MASP2: variants seen among roughly 807,000 people sequenced by gnomAD.
MASP2 encodes the protein MBL associated serine protease 2.
MASP2 carries 49 observed loss-of-function variants against 57.1 expected under a neutral mutation model. The ratio of observed to expected loss-of-function variants is 0.86; its 90% CI spans 0.68 to 1.09. The LOEUF is 1.09. MASP2 is among the 50% of genes least tolerant of loss of function. MASP2 has a pLI of 0.00. For missense variants in MASP2, 900 were observed against 874.8 expected (o/e 1.03, Z -0.36); for synonymous variants, 379 against 340.8 (o/e 1.11, Z -1.24).
In MASP2 at chr1:11,045,360, C is replaced by T. The variant is rs751050224; in HGVS notation, c.544+48G>A. The T allele has an allele frequency of 9.3e-6, 15 of 1,610,396 alleles. No homozygotes were observed. The East Asian group carries it at 2.7e-4, about 29-fold the overall frequency. ...GAGCAGCAATGGCCCTGAGGAGCCCCGGGTATCCCAGGAGAGGGTGCGTTG... is the reference window on the plus strand; with the variant it reads ...GAGCAGCAATGGCCCTGAGGAGCCCTGGGTATCCCAGGAGAGGGTGCGTTG... On this transcript the variant is annotated intron_variant, in intron 4 of 10. Coordinates refer to ENST00000400897, the MANE Select transcript of MASP2 (RefSeq NM_006610.4).
intron 10 of MASP2, among the ~76,000 whole-genome samples, chr1:11,028,731 T>A (rs1242968716): frequency 7.3e-6 from 1 of 137,824 alleles, no homozygotes; most frequent in Non-Finnish European, 1.6e-5. Context: ...TTTTTTTTTT[T>A]GAGACAGAGT....
intron 6 of MASP2, among the ~76,000 whole-genome samples, chr1:11,039,865 A>AAGAT (rs766758313): frequency 8.0e-6 from 1 of 125,006 alleles, no homozygotes; most frequent in African/African-American, 3.2e-5. Context: ...GGTGGATAGA[A>AAGAT]GGATGGATGG....
At chr1:11,030,423 G>T (rs1643824684) in intron 9 of MASP2, 173 bp from the exon 10 acceptor site, 2 of 596,736 alleles carry the variant, frequency 3.4e-6, no homozygotes, top group Non-Finnish European at 2.9e-6. Context: ...TACCATGTTT[G>T]CTTGCAAAGT....
chr1:11,044,457 G>A (rs1252460006), intron 4 of MASP2, among the ~76,000 whole-genome samples: 1 of 152,128 alleles, frequency 6.6e-6, no homozygotes, highest in Non-Finnish European at 1.5e-5. Context: ...TGGGGCAGTG[G>A]GAATCACCCC....
intron 4 of MASP2, chr1:11,045,064 C>G: frequency 9.6e-7 from 1 of 1,037,724 alleles, no homozygotes. Flanking sequence ...GAGCACTGGC[C>G]CGTCCCACAG....
In MASP2 at chr1:11,043,499, C is replaced by T. The variant is rs755997737; in HGVS notation, c.581G>A (p.Gly194Glu). Residue 194 changes from glycine (G) to glutamate (E), a missense_variant, in exon 5 of 11, where the codon GGG (glycine) becomes GAG (glutamate). Physicochemically the swap from Gly to Glu is moderately conservative, Grantham distance 98. Transcript: ENST00000400897. ...TGGGTATTCAGGGCTGCTGAGCTCC[C>T]CAGACCTCTGGGTGAAGACCTGGCC... is the stretch of plus-strand genomic sequence containing the variant. Reference protein sequence around the residue: ...CSGQVFTQRSGELSSPEYPRP... With the variant: ...CSGQVFTQRSEELSSPEYPRP... 7 of 1,607,268 alleles carry T rather than the reference C, an allele frequency of 4.4e-6. No individual in the cohort carries two copies. In the South Asian group the frequency reaches 7.8e-5, roughly 18 times the overall value.
Position 11,045,459 on chromosome 1 carries a change from A to C in MASP2, c.493T>G (p.Cys165Gly), listed in dbSNP as rs781405504. The change falls in exon 4 of 11, where the codon TGC becomes GGC. Residue 165 changes from cysteine to glycine, a missense_variant. Physicochemically the swap from Cys to Gly is radical, Grantham distance 159 (BLOSUM62 -3). Transcript: ENST00000400897. Reference protein sequence around the residue: ...HCHNHLGGFYCSCRAGYVLHR... With the variant: ...HCHNHLGGFYGSCRAGYVLHR... The stretch of plus-strand genomic sequence containing the variant: ...AGGACGTAGCCTGCGCGGCAGGAGC[A>C]GTAGAAACCGCCCAGGTGGTTGTGG... 1.9e-6 allele frequency: 3 copies of C among 1,613,030 alleles called. No individual in the cohort carries two copies. The African/African-American group carries it at 4.0e-5, about 22-fold the overall frequency.
In MASP2 at chr1:11,027,106, C is replaced by T; in HGVS notation, c.1840G>A (p.Ala614Thr). The stretch of plus-strand genomic sequence containing the variant: ...TCTAAGCCAGCACAAAGCATGTTAG[C>T]AGTTACACTTCCCCTTGGATAGGGT... ...KPPYPRGSVTANMLCAGLESG... is the reference protein window; with the variant it reads ...KPPYPRGSVTTNMLCAGLESG... The change falls in exon 11 of 11, where the codon GCT becomes ACT. Residue 614 changes from alanine to threonine, a missense_variant. Physicochemically the swap from Ala to Thr is moderately conservative, Grantham distance 58. Transcript: ENST00000400897. The T allele has an allele frequency of 6.2e-7, 1 of 1,608,644 alleles. No homozygotes were observed. Among genetic ancestry groups the T allele is most frequent in the Admixed American group, 1.7e-5 (1 of 59,610 alleles).
At position 11,041,374 on chromosome 1, in the gene MASP2, AGATG is replaced by A. The variant is rs144619009; in HGVS notation, c.889+1497_889+1500del. On this transcript the variant is annotated intron_variant, in intron 6 of 10. Transcript: ENST00000400897. Reference sequence around the variant, plus strand: ...TAGATAGGTGTCTGGAAGAATTGGCAGATGGATGGATGGATGGATGGATGGATGA... The same window carrying A: ...TAGATAGGTGTCTGGAAGAATTGGCAGATGGATGGATGGATGGATGGATGA... Among the ~76,000 whole-genome samples the A allele has an allele frequency of 1.0e-2, 1,073 of 107,508 alleles. 30 individuals are homozygous for A. Among genetic ancestry groups the A allele is most frequent in the African/African-American group, 0.033 (986 of 29,966 alleles). The allele number at this position is 107,508 out of a possible 152,430, so 70.5% of individuals were successfully genotyped here.
At chr1:11,038,723 C>T (rs1458094478) in intron 6 of MASP2, among the ~76,000 whole-genome samples, 2 of 152,248 alleles carry the variant, frequency 1.3e-5, no homozygotes, top group African/African-American at 4.8e-5. Context: ...AGGAATCAAT[C>T]TCCAGGGACA....
Position 11,027,496 on chromosome 1 carries a change from C to A in MASP2, c.1450G>T (p.Ala484Ser), listed in dbSNP as rs1422526937. Residue 484 changes from alanine to serine, a missense_variant, in exon 11 of 11, where the codon GCC (alanine) becomes TCC (serine). Ala to Ser is a moderately conservative substitution (Grantham distance 99). Coordinates refer to ENST00000400897, the MANE Select transcript of MASP2 (RefSeq NM_006610.4). ...YDNWVLTAAH[A>S]VYEQKHDASA... Reference sequence around the variant, plus strand: ...GCATCATGTTTTTGCTCATAGACGGCATGAGCAGCTGTTAGGACCCAGTTG... The same window carrying A: ...GCATCATGTTTTTGCTCATAGACGGAATGAGCAGCTGTTAGGACCCAGTTG... The A allele has an allele frequency of 6.2e-7, 1 of 1,614,036 alleles. No homozygotes were observed. The highest frequency in any genetic ancestry group is 8.5e-7 in the Non-Finnish European group (1 of 1,180,038).
In MASP2 at chr1:11,046,350, C is replaced by A. The variant is rs1261273303; in HGVS notation, c.412+206G>T. 3 of 624,562 alleles carry A rather than the reference C, an allele frequency of 4.8e-6. No individual in the cohort carries two copies. The Admixed American group carries it at 7.6e-5, about 16-fold the overall frequency. 38.7% of individuals were successfully genotyped at this position (624,562 alleles called of 1,614,324 possible). ...ACTTGAGGCGATGCTGTCCTCAGAT[C>A]CCTGGCTCAGAGTTGGCACTCAGCC... On this transcript the variant is annotated intron_variant, in intron 3 of 10. Transcript: ENST00000400897.
intron 8 of MASP2, among the ~76,000 whole-genome samples, chr1:11,033,953 ACACACACACACACTCTCTCT>A (rs1352596436): frequency 6.5e-5 from 4 of 61,530 alleles, no homozygotes; most frequent in African/African-American, 1.8e-4. Flanking sequence ...ACACACACAC[ACACACACACACACTCTCTCT>A]CTCTCTCTCT....
chr1:11,040,855 T>G (rs1192212746), intron 6 of MASP2, among the ~76,000 whole-genome samples: 2 of 148,102 alleles, frequency 1.4e-5, no homozygotes, highest in East Asian at 4.0e-4. Context: ...GGAGAATGGG[T>G]GGGTGGATGG....
chr1:11,046,003 C>A (rs1026299538), intron 3 of MASP2: 1 of 195,062 alleles, frequency 5.1e-6, no homozygotes, highest in Non-Finnish European at 1.1e-5. Context: ...GCCCTCGGCC[C>A]CTGCGTCGTT....
chr1:11,027,039 GC>G lies in MASP2; in HGVS notation c.1906del (p.Ala636HisfsTer5). 6.3e-7 allele frequency: 1 copy of G among 1,595,422 alleles called. No individual in the cohort carries two copies. ...TGTTTCACTATCTAGAAACACCAGT[GC>G]CCCTCCGCTGTCACCTCTGCAGCTG... ...KDSCRGDSGG[A>X]LVFLDSETER... On this transcript the variant is annotated frameshift_variant, in exon 11 of 11. Coordinates refer to ENST00000400897, the MANE Select transcript of MASP2 (RefSeq NM_006610.4). LOFTEE classifies it high-confidence loss of function.
chr1:11,040,009 G>A (rs1638376164), intron 6 of MASP2, among the ~76,000 whole-genome samples: 1 of 149,646 alleles, frequency 6.7e-6, no homozygotes. Flanking sequence ...GGATTGGTAG[G>A]CAGAAGAATG....
At chr1:11,044,611 G>A (rs1204563559) in intron 4 of MASP2, among the ~76,000 whole-genome samples, 1 of 152,166 alleles carries the variant, frequency 6.6e-6, no homozygotes, top group African/African-American at 2.4e-5. Flanking sequence ...GGACTCGAGC[G>A]AGGCCTTGCC....
chr1:11,045,894 G>A (rs945628138), intron 3 of MASP2: 2 of 305,726 alleles, frequency 6.5e-6, no homozygotes, highest in Non-Finnish European at 1.2e-5. Flanking sequence ...CCACTTGCCA[G>A]AGGTCACACA....
Sources: gnomAD v4.1 joint callset for allele counts (sites outside exome capture counted in the v4.1 genomes callset) on GRCh38, gnomAD v4.1.1 for gene constraint, MANE v1.5 for transcripts, NCBI Gene and HGNC (gene_info 2026-07-23, HGNC 2026-07-21) for gene names.